The following KCNB2 variants were observed in gnomAD, a reference collection of about 807,000 sequenced individuals.
KCNB2 encodes potassium voltage-gated channel subfamily B member 2.
KCNB2 carries 15 observed loss-of-function variants against 61.5 expected under a neutral mutation model. That is an observed-to-expected ratio of 0.24 (90% CI 0.16 to 0.38). The LOEUF (loss-of-function observed/expected upper bound fraction) is 0.38, where lower values mean the gene tolerates loss of function less well. Ranked by LOEUF, KCNB2 falls within the 10% of genes least tolerant of loss-of-function variation. The pLI, the probability that KCNB2 is intolerant of heterozygous loss-of-function variation, is 1.00. For synonymous variants in KCNB2, 457 were observed against 446.0 expected, an observed-to-expected ratio of 1.02 and a Z score of -0.31; for missense variants, 828 against 1,125.2, an observed-to-expected ratio of 0.74 and a Z score of 3.78.
chr8:72,699,586 G>A (rs143164242), intron 2 of KCNB2, among the ~76,000 whole-genome samples: 40 of 152,008 alleles, frequency 2.6e-4, no homozygotes, highest in Admixed American at 1.7e-3. Flanking sequence ...CTGTGCAGAC[G>A]CTCTTTAGTT....
intron 2 of KCNB2, among the ~76,000 whole-genome samples, chr8:72,624,774 A>C (rs1805764114): frequency 6.6e-6 from 1 of 152,196 alleles, no homozygotes; most frequent in South Asian, 2.1e-4. Flanking sequence ...AGAGTAGGGC[A>C]AAGGCAGTGG....
chr8:72,774,542 G>A (rs1808614825), intron 2 of KCNB2, among the ~76,000 whole-genome samples: 1 of 152,080 alleles, frequency 6.6e-6, no homozygotes, highest in African/African-American at 2.4e-5. Flanking sequence ...TAGAGACGGA[G>A]TTTCCACATG....
rs908305586 is a variant in KCNB2, at chr8:72,773,331, G to GT, written c.580-162596dup. On this transcript the variant is annotated intron_variant, in intron 2 of 2. Transcript: ENST00000523207. ...CCCCCATGTGGTGAAAACAGGTTGA[G>GT]TTTTTTTTAAGGTGGAAGAAAGCAG... is the stretch of plus-strand genomic sequence containing the variant. 1.6e-4 allele frequency among the ~76,000 whole-genome samples: 25 copies of GT among 152,074 alleles called. 1 individual carries two copies. Among genetic ancestry groups the GT allele is most frequent in the Admixed American group, 9.8e-4 (15 of 15,260 alleles).
At chr8:72,829,755 C>T (rs761427348) in intron 2 of KCNB2, among the ~76,000 whole-genome samples, 1 of 152,010 alleles carries the variant, frequency 6.6e-6, no homozygotes, top group Non-Finnish European at 1.5e-5. Flanking sequence ...TTCTATTTGG[C>T]TTTGTCAACC....
At chr8:72,706,943 T>C (rs1467722899) in intron 2 of KCNB2, among the ~76,000 whole-genome samples, 1 of 152,334 alleles carries the variant, frequency 6.6e-6, no homozygotes, top group East Asian at 1.9e-4. Flanking sequence ...GAATTGCTCT[T>C]CTGTTTTGCT....
chr8:72,720,909 A>G (rs1235763385), intron 2 of KCNB2, among the ~76,000 whole-genome samples: 1 of 152,140 alleles, frequency 6.6e-6, no homozygotes, highest in African/African-American at 2.4e-5. Context: ...TTAGACATAA[A>G]TTTTCTGAGT....
chr8:72,578,111 A>G (rs1806826642), intron 2 of KCNB2, among the ~76,000 whole-genome samples: 3 of 152,214 alleles, frequency 2.0e-5, no homozygotes, highest in Admixed American at 2.0e-4. Flanking sequence ...ATTAAAAAAT[A>G]AATCAATGAC....
intron 2 of KCNB2, among the ~76,000 whole-genome samples, chr8:72,837,884 A>G (rs1391243320): frequency 1.3e-5 from 2 of 152,204 alleles, no homozygotes; most frequent in African/African-American, 4.8e-5. Context: ...AAGTCTATGA[A>G]ATATGTTAGC....
chr8:72,891,056 A>G (rs1026617746), intron 2 of KCNB2, among the ~76,000 whole-genome samples: 3 of 152,240 alleles, frequency 2.0e-5, no homozygotes, highest in Non-Finnish European at 4.4e-5. Context: ...ACATAGTTCA[A>G]CAGCGGTAGT....
rs1309291600 is a variant in KCNB2, at chr8:72,843,020, G to T, written c.580-92915G>T. 4.6e-5 allele frequency among the ~76,000 whole-genome samples: 7 copies of T among 152,116 alleles called. No homozygotes were observed. The East Asian group carries it at 9.7e-4, about 21-fold the overall frequency. The stretch of plus-strand genomic sequence containing the variant: ...TCTTGCTTCTCTAGTTCTTTTAATT[G>T]TGACATTAGGGTGTCAATTTTAGAT... On this transcript the variant is annotated intron_variant, in intron 2 of 2. Coordinates refer to ENST00000523207, the MANE Select transcript of KCNB2 (RefSeq NM_004770.3).
chr8:72,617,532 C>T (rs949892355), intron 2 of KCNB2, among the ~76,000 whole-genome samples: 9 of 150,158 alleles, frequency 6.0e-5, no homozygotes, highest in South Asian at 2.1e-4. Flanking sequence ...ATTTGGTCCT[C>T]ACTTATTCAA....
At chr8:72,909,603 G>C (rs867399308) in intron 2 of KCNB2, among the ~76,000 whole-genome samples, 1 of 152,124 alleles carries the variant, frequency 6.6e-6, no homozygotes, top group African/African-American at 2.4e-5. Context: ...GGATGTACTC[G>C]AGGAGCAAGA....
intron 2 of KCNB2, 59 bp downstream of exon 2, chr8:72,568,372 C>G: frequency 1.4e-6 from 2 of 1,394,434 alleles, no homozygotes; most frequent in Non-Finnish European, 2.0e-6. Context: ...TACCTACGTT[C>G]TAGAGAGTAT....
intron 2 of KCNB2, among the ~76,000 whole-genome samples, chr8:72,605,240 G>A (rs546669478): frequency 1.3e-5 from 2 of 152,330 alleles, no homozygotes; most frequent in South Asian, 2.1e-4. Context: ...GCCTGACACA[G>A]CACAGCTGGG....
rs1806205081 is a variant in KCNB2, at chr8:72,651,145, T to C, written c.579+82832T>C. Among the ~76,000 whole-genome samples the C allele has an allele frequency of 1.3e-5, 2 of 152,180 alleles. 1 individual carries two copies. The highest frequency in any genetic ancestry group is 4.1e-4 in the South Asian group (2 of 4,826). The stretch of plus-strand genomic sequence containing the variant: ...TAGGGAATGAGGAAAACACTAAGCG[T>C]AGCCTAATACTTTTCTTTCAATATA... On this transcript the variant is annotated intron_variant, in intron 2 of 2. Coordinates refer to ENST00000523207, the MANE Select transcript of KCNB2 (RefSeq NM_004770.3).
intron 2 of KCNB2, among the ~76,000 whole-genome samples, chr8:72,890,026 C>T (rs753020343): frequency 2.6e-5 from 4 of 152,086 alleles, no homozygotes; most frequent in African/African-American, 9.7e-5. Flanking sequence ...GGATTACAGG[C>T]GTGAGCCAAC....
At chr8:72,837,044 G>A (rs1317492458) in intron 2 of KCNB2, among the ~76,000 whole-genome samples, 1 of 152,162 alleles carries the variant, frequency 6.6e-6, no homozygotes, top group East Asian at 1.9e-4. Context: ...TTCTCCAGAT[G>A]ATGGCATCTA....
chr8:72,785,027 A>G (rs1047116156), intron 2 of KCNB2, among the ~76,000 whole-genome samples: 9 of 152,132 alleles, frequency 5.9e-5, no homozygotes, highest in Non-Finnish European at 1.2e-4. Context: ...AGACTTTCAG[A>G]TTTTTTAAAA....
At chr8:72,676,179 T>G (rs1806650650) in intron 2 of KCNB2, among the ~76,000 whole-genome samples, 1 of 152,188 alleles carries the variant, frequency 6.6e-6, no homozygotes, top group African/African-American at 2.4e-5. Flanking sequence ...AATGACAATA[T>G]TTCTTTTGTC....
Sources: allele counts gnomAD v4.1 joint callset (sites outside exome capture counted in the v4.1 genomes callset), GRCh38; gene constraint gnomAD v4.1.1; transcripts MANE v1.5; gene names NCBI Gene and HGNC (gene_info 2026-07-23, HGNC 2026-07-21).